The following PDK1 variants were observed in gnomAD, a reference collection of about 807,000 sequenced individuals.
The protein encoded by PDK1 is [Pyruvate dehydrogenase (acetyl-transferring)] kinase isozyme 1, mitochondrial.
Under a neutral mutation model 54.2 loss-of-function variants are expected in PDK1, and 39 were observed. The observed-to-expected ratio is 0.72, with a 90% confidence interval of 0.56 to 0.94. The LOEUF is 0.94. Ranked by LOEUF, PDK1 falls within the 40% of genes least tolerant of loss-of-function variation. PDK1 has a pLI of 0.00. For synonymous variants in PDK1, 221 were observed against 207.1 expected (o/e 1.07, Z -0.58); for missense variants, 552 against 566.0 (o/e 0.98, Z 0.25).
the PDK1 span, among the ~76,000 whole-genome samples, chr2:172,722,239 G>A: frequency 1.6e-4 from 24 of 152,308 alleles, no homozygotes; most frequent in African/African-American, 5.5e-4. Context: ...CCCCAAGCCT[G>A]GAGTCAACTT....
At chr2:172,642,786 C>A in the PDK1 span, among the ~76,000 whole-genome samples, 320 of 64,554 alleles carry the variant, frequency 5.0e-3, 3 homozygotes, top group African/African-American at 0.014. Flanking sequence ...CTCCTCCTCC[C>A]ACTCCTCCTC....
chr2:172,581,109 T>C (rs1689881218), intron 8 of PDK1, among the ~76,000 whole-genome samples: 2 of 152,244 alleles, frequency 1.3e-5, no homozygotes, highest in Non-Finnish European at 2.9e-5. Context: ...TTTATCTTTT[T>C]TGAGATGGAG....
the PDK1 span, among the ~76,000 whole-genome samples, chr2:172,687,972 C>G: frequency 6.6e-6 from 1 of 152,190 alleles, no homozygotes; most frequent in Admixed American, 6.5e-5. Context: ...CTTTTGGGAG[C>G]AAGGACCTCC....
chr2:172,576,444 CA>C (rs1689592592), intron 8 of PDK1, among the ~76,000 whole-genome samples: 2 of 151,276 alleles, frequency 1.3e-5, no homozygotes, highest in African/African-American at 2.4e-5. Context: ...TCTAAAGAAC[CA>C]ATTTTTTATT....
chr2:172,634,772 C>CAAAAAAAAAAA, the PDK1 span, among the ~76,000 whole-genome samples: 4 of 129,750 alleles, frequency 3.1e-5, no homozygotes, highest in African/African-American at 1.2e-4. Context: ...TCTTAAAATG[C>CAAAAAAAAAAA]AAAAAAAAAA....
At chr2:172,723,103 G>A in the PDK1 span, 5 of 152,082 alleles carry the variant, frequency 3.3e-5, no homozygotes, top group African/African-American at 9.6e-5. Context: ...TTATAGACTG[G>A]TCTGGCAAAT....
the PDK1 span, among the ~76,000 whole-genome samples, chr2:172,658,214 A>G: frequency 1.3e-3 from 191 of 152,238 alleles, no homozygotes; most frequent in Non-Finnish European, 2.2e-3. Flanking sequence ...AAAACAAACC[A>G]TGTTTTGGGA....
intron 2 of PDK1, among the ~76,000 whole-genome samples, chr2:172,560,674 A>T (rs1290481726): frequency 6.6e-6 from 1 of 152,252 alleles, no homozygotes; most frequent in Non-Finnish European, 1.5e-5. Flanking sequence ...TTTATAAATT[A>T]CAAAAGTTAA....
At chr2:172,556,398 C>T (rs1558920354) in intron 1 of PDK1, 52 bp downstream of exon 1, 2 of 1,289,252 alleles carry the variant, frequency 1.6e-6, no homozygotes, top group Non-Finnish European at 2.0e-6. Flanking sequence ...GGGCGGGGAG[C>T]TGCGGCCGCT....
At chr2:172,621,993 C>T in the PDK1 span, among the ~76,000 whole-genome samples, 46,009 of 143,234 alleles carry the variant, frequency 0.32, 8,117 homozygotes, top group African/African-American at 0.5. Flanking sequence ...TCTCATGATG[C>T]ATGTTTATAG....
At chr2:172,645,094 A>C in the PDK1 span, among the ~76,000 whole-genome samples, 2 of 152,086 alleles carry the variant, frequency 1.3e-5, no homozygotes, top group Non-Finnish European at 2.9e-5. Context: ...CCAATTTTTA[A>C]ACACTGGGTA....
chr2:172,635,420 A>G, the PDK1 span, among the ~76,000 whole-genome samples: 1 of 151,942 alleles, frequency 6.6e-6, no homozygotes, highest in Non-Finnish European at 1.5e-5. Context: ...GGTTCAAGTG[A>G]TTCTCCTGCC....
At chr2:172,636,957 C>G in the PDK1 span, among the ~76,000 whole-genome samples, 1 of 152,142 alleles carries the variant, frequency 6.6e-6, no homozygotes, top group Non-Finnish European at 1.5e-5. Flanking sequence ...TCAAACCGTA[C>G]CAAAGGGTAA....
chr2:172,634,056 A>G, the PDK1 span, among the ~76,000 whole-genome samples: 1 of 150,280 alleles, frequency 6.7e-6, no homozygotes, highest in Non-Finnish European at 1.5e-5. Flanking sequence ...TTGTATATTT[A>G]GTAGAGATGG....
the PDK1 span, among the ~76,000 whole-genome samples, chr2:172,696,292 G>C: frequency 6.6e-6 from 1 of 151,850 alleles, no homozygotes; most frequent in African/African-American, 2.4e-5. Flanking sequence ...CCTAAGCAGA[G>C]AACCCAGCTA....
intron 8 of PDK1, among the ~76,000 whole-genome samples, chr2:172,576,460 T>C (rs1254213242): frequency 6.6e-6 from 1 of 151,960 alleles, no homozygotes; most frequent in Admixed American, 6.6e-5. Context: ...TTTATTTCAT[T>C]GATTTTCTCC....
the PDK1 span, among the ~76,000 whole-genome samples, chr2:172,624,265 C>T: frequency 3.3e-5 from 5 of 152,144 alleles, no homozygotes; most frequent in Admixed American, 2.6e-4. Context: ...AGCAGGAGTT[C>T]CCCAGCCCCT....
the PDK1 span, among the ~76,000 whole-genome samples, chr2:172,687,638 C>T: frequency 6.6e-6 from 1 of 152,168 alleles, no homozygotes; most frequent in Non-Finnish European, 1.5e-5. Context: ...TTTCCCAAAC[C>T]TTCATTCCGA....
At chr2:172,584,372 G>GTT (rs149706116) in intron 8 of PDK1, among the ~76,000 whole-genome samples, 18 of 139,268 alleles carry the variant, frequency 1.3e-4, no homozygotes, top group African/African-American at 4.2e-4. Context: ...CTTTGTAACT[G>GTT]TTTTTTTTTT....
Sources: gnomAD v4.1 joint callset for allele counts (sites outside exome capture counted in the v4.1 genomes callset) on GRCh38, gnomAD v4.1.1 for gene constraint, MANE v1.5 for transcripts, NCBI Gene and HGNC (gene_info 2026-07-23, HGNC 2026-07-21) for gene names.